The following AGGF1 variants were observed in gnomAD, a reference collection of about 807,000 sequenced individuals.
AGGF1 encodes the protein angiogenic factor with G-patch and FHA domains 1, also known as angiogenic factor with G patch and FHA domains 1.
In AGGF1, 56 loss-of-function variants were observed where a neutral mutation model predicts 86.5. The ratio of observed to expected loss-of-function variants is 0.65; its 90% CI spans 0.52 to 0.81. The LOEUF (loss-of-function observed/expected upper bound fraction) is 0.81, where lower values mean the gene tolerates loss of function less well. AGGF1 is among the 30% of genes least tolerant of loss of function. The pLI, the probability that AGGF1 is intolerant of heterozygous loss-of-function variation, is 0.00. For missense variants in AGGF1, 816 were observed against 850.9 expected, an observed-to-expected ratio of 0.96 and a Z score of 0.51; for synonymous variants, 313 against 297.1, an observed-to-expected ratio of 1.05 and a Z score of -0.55.
chr5:77,040,422 A>T (rs1419124475), intron 5 of AGGF1, among the ~76,000 whole-genome samples: 5 of 116,740 alleles, frequency 4.3e-5, no homozygotes, highest in African/African-American at 6.7e-5. Flanking sequence ...GAAAATATTA[A>T]AAAAAAAAAA....
Position 77,055,496 on chromosome 5 carries a change from A to C in AGGF1, c.1634-18A>C. The C allele has an allele frequency of 6.4e-7, 1 of 1,560,304 alleles. No homozygotes were observed. The highest frequency in any genetic ancestry group is 1.1e-5 in the South Asian group (1 of 88,570). On this transcript the variant is annotated intron_variant, in intron 10 of 13. Coordinates refer to ENST00000312916, the MANE Select transcript of AGGF1 (RefSeq NM_018046.5). ...CAGATTTAGTGGCTTTTTTTTAACC[A>C]AACTTTTTTTCTTTCAGTTGGTCCA...
chr5:77,042,207 CT>C (rs1747103705), intron 5 of AGGF1, among the ~76,000 whole-genome samples: 1 of 151,874 alleles, frequency 6.6e-6, no homozygotes, highest in Non-Finnish European at 1.5e-5. Flanking sequence ...CCCATGTCTA[CT>C]TCTTTCTACA....
At chr5:77,057,571 C>G (rs1241835562) in intron 11 of AGGF1, among the ~76,000 whole-genome samples, 1 of 152,208 alleles carries the variant, frequency 6.6e-6, no homozygotes, top group Non-Finnish European at 1.5e-5. Context: ...TGAGACGGAA[C>G]ACACTCTCAT....
intron 10 of AGGF1, among the ~76,000 whole-genome samples, chr5:77,055,078 G>T (rs1561290654): frequency 6.6e-6 from 1 of 152,082 alleles, no homozygotes; most frequent in Non-Finnish European, 1.5e-5. Context: ...AAGTTTGCAT[G>T]TTCATTGTTT....
chr5:77,048,425 C>T (rs1415965982), intron 7 of AGGF1, among the ~76,000 whole-genome samples, 153 bp downstream of exon 7: 2 of 152,162 alleles, frequency 1.3e-5, no homozygotes, highest in Non-Finnish European at 1.5e-5. Context: ...GATCTCGGCT[C>T]ATTGCAACCT....
At chr5:77,047,817 CTTT>C (rs771004923) in intron 6 of AGGF1, among the ~76,000 whole-genome samples, 3 of 123,624 alleles carry the variant, frequency 2.4e-5, no homozygotes, top group Non-Finnish European at 3.4e-5. Flanking sequence ...TGTGCCTGGC[CTTT>C]TTTTTTTTTT....
intron 11 of AGGF1, among the ~76,000 whole-genome samples, chr5:77,058,035 A>G (rs1215425094): frequency 6.6e-6 from 1 of 152,214 alleles, no homozygotes; most frequent in African/African-American, 2.4e-5. Flanking sequence ...CAAGGGAGGA[A>G]TGCTACACAG....
intron 9 of AGGF1, among the ~76,000 whole-genome samples, chr5:77,053,070 T>C (rs1747402616): frequency 6.6e-6 from 1 of 152,232 alleles, no homozygotes; most frequent in Non-Finnish European, 1.5e-5. Flanking sequence ...AGTAAGTGTG[T>C]AAATGTCTCA....
intron 8 of AGGF1, 143 bp downstream of exon 8, chr5:77,049,130 G>A: frequency 1.5e-6 from 1 of 683,602 alleles, no homozygotes; most frequent in South Asian, 1.8e-5. Context: ...GTGCAGATCT[G>A]TTTATTCCAG....
rs187183802 is a variant in AGGF1 at position 77,044,649 on chromosome 5, C to T, written c.871-1698C>T. ...GAAACTGCTTTTTTAAGAGTATATA[C>T]AGATAGGGAACTTTTTTGCTATAAT... On this transcript the variant is annotated intron_variant, in intron 5 of 13. Coordinates refer to ENST00000312916, the MANE Select transcript of AGGF1 (RefSeq NM_018046.5). 8.5e-4 allele frequency among the ~76,000 whole-genome samples: 130 copies of T among 152,238 alleles called. 1 individual carries two copies. The highest frequency in any genetic ancestry group is 3.4e-3 in the Middle Eastern group (1 of 294).
rs776875580 is a variant in AGGF1, at chr5:77,035,602, A to C, written c.375A>C (p.Ser125=). 2 of 1,613,458 alleles carry C rather than the reference A, an allele frequency of 1.2e-6. No individual in the cohort carries two copies. The highest frequency in any genetic ancestry group is 8.5e-7 in the Non-Finnish European group (1 of 1,179,652). ...TTCCAAATAAAGTGACTGAACTGTCAGATCAACAAGATCAAGCTATCGAAA... is the reference window on the plus strand; with the variant it reads ...TTCCAAATAAAGTGACTGAACTGTCCGATCAACAAGATCAAGCTATCGAAA... ...VSLPNKVTEL[S]DQQDQAIETS... Residue 125 remains serine, a synonymous_variant, in exon 3 of 14, where the codon TCA becomes TCC. Coordinates refer to ENST00000312916, the MANE Select transcript of AGGF1 (RefSeq NM_018046.5).
rs201876784 is a variant in AGGF1, at chr5:77,059,627, C to T, written c.1728C>T (p.Tyr576=). The T allele has an allele frequency of 7.5e-6, 12 of 1,604,984 alleles. No individual in the cohort carries two copies. Among genetic ancestry groups the T allele is most frequent in the African/African-American group, 4.0e-5 (3 of 74,792 alleles). ...TTGTGTTTATTAAGAATACAGAATA[C>T]GAAGATGAAAAGACATTGAAGAATC... ...RVKYGLQNTE[Y]EDEKTLKNPK... The change falls in exon 12 of 14, where the codon TAC becomes TAT. Residue 576 remains tyrosine, a synonymous_variant. Transcript: ENST00000312916.
chr5:77,046,246 C>G (rs1417292895), intron 5 of AGGF1, 101 bp from the exon 6 acceptor site: 6 of 999,818 alleles, frequency 6.0e-6, no homozygotes, highest in Non-Finnish European at 9.6e-6. Context: ...TTTACTGACA[C>G]ATATCTTCAC....
chr5:77,048,922 A>G lies in AGGF1; in HGVS notation c.1314-14A>G, dbSNP rs2150732337. 1 of 1,612,792 alleles carries G rather than the reference A, an allele frequency of 6.2e-7. No individual in the cohort carries two copies. Among genetic ancestry groups the G allele is most frequent in the Non-Finnish European group, 8.5e-7 (1 of 1,179,082 alleles). The stretch of plus-strand genomic sequence containing the variant: ...CTTCAAAAATTATTAAAGACACTTT[A>G]CTTAACTCTGCAGAGAAAAGGATAT... On this transcript the variant is annotated splice_polypyrimidine_tract_variant and intron_variant, in intron 7 of 13. Transcript: ENST00000312916.
intron 6 of AGGF1, among the ~76,000 whole-genome samples, chr5:77,047,873 T>C (rs1369959168): frequency 6.7e-6 from 1 of 149,296 alleles, no homozygotes; most frequent in Non-Finnish European, 1.5e-5. Context: ...AATATAAAAA[T>C]ATTTGGGATT....
rs747968547 is a variant in AGGF1, at chr5:77,048,949, G to A, written c.1327G>A (p.Glu443Lys). The A allele has an allele frequency of 6.2e-7, 1 of 1,613,562 alleles. No homozygotes were observed. The highest frequency in any genetic ancestry group is 1.3e-5 in the African/African-American group (1 of 74,888). Residue 443 changes from glutamate to lysine, a missense_variant, in exon 8 of 14, where the codon GAA (glutamate) becomes AAA (lysine). Around this residue, in one of 3 missense-constraint regions of AGGF1, gnomAD observed 565 missense variants for 585.8 expected, o/e 0.96. Coordinates refer to ENST00000312916, the MANE Select transcript of AGGF1 (RefSeq NM_018046.5). Reference sequence around the variant, plus strand: ...TTAACTCTGCAGAGAAAAGGATATGGAACATACTCTCCGAATCCCTGAAGT... The same window carrying A: ...TTAACTCTGCAGAGAAAAGGATATGAAACATACTCTCCGAATCCCTGAAGT... ...PATIGREKDMEHTLRIPEVGV... is the reference protein window; with the variant it reads ...PATIGREKDMKHTLRIPEVGV...
intron 7 of AGGF1, among the ~76,000 whole-genome samples, chr5:77,048,572 C>G (rs1446932409): frequency 6.6e-6 from 1 of 152,110 alleles, no homozygotes; most frequent in East Asian, 1.9e-4. Flanking sequence ...AGACTGGTCT[C>G]GAACTCCTCA....
chr5:77,061,151 G>T (rs1447853181), intron 12 of AGGF1, among the ~76,000 whole-genome samples: 1 of 152,108 alleles, frequency 6.6e-6, no homozygotes, highest in Admixed American at 6.5e-5. Flanking sequence ...ACATATTGCA[G>T]AATACACATT....
intron 12 of AGGF1, 106 bp from the exon 13 acceptor site, chr5:77,061,597 G>A (rs185018206): frequency 1.7e-4 from 188 of 1,081,490 alleles, no homozygotes; most frequent in African/African-American, 4.8e-4. Context: ...AATGCCAAGC[G>A]GTTTTCTAAA....
Sources: gnomAD v4.1 joint callset for allele counts (sites outside exome capture counted in the v4.1 genomes callset) on GRCh38, gnomAD v4.1.1 for gene constraint, gnomAD v4.1.1 regional missense constraint, MANE v1.5 for transcripts, NCBI Gene and HGNC (gene_info 2026-07-23, HGNC 2026-07-21) for gene names.